The following EBF3 variants were observed in gnomAD, a reference collection of about 807,000 sequenced individuals.
EBF3 encodes the protein transcription factor COE3.
A neutral mutation model predicts 77.1 loss-of-function variants in EBF3; 18 were observed. The ratio of observed to expected loss-of-function variants is 0.23; its 90% CI spans 0.16 to 0.35. EBF3 has a LOEUF of 0.35. Ranked by LOEUF, EBF3 falls within the 10% of genes least tolerant of loss-of-function variation. EBF3 has a pLI of 1.00. For synonymous variants in EBF3, 350 were observed against 343.5 expected (o/e 1.02, Z -0.21); for missense variants, 558 against 860.0 (o/e 0.65, Z 4.39).
At chr10:129,962,593 TAAAA>T (rs931900354) in intron 3 of EBF3, among the ~76,000 whole-genome samples, 1 of 145,258 alleles carries the variant, frequency 6.9e-6, no homozygotes, top group Non-Finnish European at 1.5e-5. Flanking sequence ...CTCGAGGATT[TAAAA>T]AAAAAAAACT....
rs755742460 is a variant in EBF3 at position 129,963,337 on chromosome 10, G to A, written c.291+30C>T. 7 of 1,563,160 alleles carry A rather than the reference G, an allele frequency of 4.5e-6. No homozygotes were observed. Among genetic ancestry groups the A allele is most frequent in the South Asian group, 3.5e-5 (3 of 85,894 alleles). ...CGCCTGCCTCCCGCTTCTAGAAAGA[G>A]AGAGGGTGTGATCGTGTGTTTGCAC... On this transcript the variant is annotated intron_variant, in intron 2 of 16. Transcript: ENST00000440978. This position sits in a 1 kb window ranked among gnomAD's most constrained non-coding sequence, Gnocchi z 7.1.
At position 129,869,712 on chromosome 10, in the gene EBF3, G is replaced by A. The variant is rs1397540276; in HGVS notation, c.782-1800C>T. On this transcript the variant is annotated intron_variant, in intron 8 of 16. Coordinates refer to ENST00000440978, the MANE Select transcript of EBF3 (RefSeq NM_001375380.1). ...GCCGACATGCCACCTTCCTTTGTTT[G>A]CTTTAATGTTGGACTAGCGGGGGTT... is the stretch of plus-strand genomic sequence containing the variant. Among the ~76,000 whole-genome samples, 4 of 152,178 alleles carry A rather than the reference G, an allele frequency of 2.6e-5. No individual in the cohort carries two copies. The East Asian group carries it at 7.7e-4, about 29-fold the overall frequency.
intron 6 of EBF3, among the ~76,000 whole-genome samples, chr10:129,902,139 T>C (rs543649408): frequency 6.6e-6 from 1 of 152,124 alleles, no homozygotes; most frequent in African/African-American, 2.4e-5. Context: ...GTTTACTTCA[T>C]CTAGCGCCAC....
In EBF3 at chr10:129,963,891, C is replaced by A; in HGVS notation, c.-123G>T. On this transcript the variant is annotated 5_prime_UTR_variant, in exon 1 of 17. Coordinates refer to ENST00000440978, the MANE Select transcript of EBF3 (RefSeq NM_001375380.1). This position sits in a 1 kb window ranked among gnomAD's most constrained non-coding sequence, Gnocchi z 7.1. ...GCCCTGCTCGGCGCCTGCGGTCCGGCCCCGCCGCCGGCTTCAGCCCGTCCC... is the reference window on the plus strand; with the variant it reads ...GCCCTGCTCGGCGCCTGCGGTCCGGACCCGCCGCCGGCTTCAGCCCGTCCC... The A allele has an allele frequency of 5.1e-6, 6 of 1,171,098 alleles. No homozygotes were observed. Among genetic ancestry groups the A allele is most frequent in the Non-Finnish European group, 6.3e-6 (6 of 949,402 alleles). 72.5% of individuals were successfully genotyped at this position (1,171,098 alleles called of 1,614,324 possible).
intron 11 of EBF3, among the ~76,000 whole-genome samples, chr10:129,847,200 A>G (rs1850532104): frequency 6.6e-6 from 1 of 152,026 alleles, no homozygotes; most frequent in Non-Finnish European, 1.5e-5. Flanking sequence ...AGGGCCACCC[A>G]GCCTCAAACC....
In EBF3 at chr10:129,964,004, G is replaced by A. The variant is rs1418929958; in HGVS notation, c.-236C>T. On this transcript the variant is annotated 5_prime_UTR_variant, in exon 1 of 17. Transcript: ENST00000440978. This position sits in a 1 kb window ranked among gnomAD's most constrained non-coding sequence, Gnocchi z 4.5. ...CCACCGGCGGCGGCGGCGCTTCGAA[G>A]GAGCAGGACGCGGTGGCCGCGGCGG... The A allele has an allele frequency of 2.0e-6, 2 of 985,038 alleles. No individual in the cohort carries two copies. The highest frequency in any genetic ancestry group is 4.7e-5 in the South Asian group (1 of 21,298). The allele number at this position is 985,038 out of a possible 1,614,324, so 61.0% of individuals were successfully genotyped here.
At chr10:129,907,938 C>T (rs2134276386) in intron 6 of EBF3, among the ~76,000 whole-genome samples, 1 of 152,292 alleles carries the variant, frequency 6.6e-6, no homozygotes, top group East Asian at 1.9e-4. Flanking sequence ...GGAATAATAG[C>T]AGCACTGAAC....
chr10:129,893,933 C>T (rs1318491922), intron 6 of EBF3, among the ~76,000 whole-genome samples: 4 of 152,224 alleles, frequency 2.6e-5, no homozygotes, highest in Non-Finnish European at 5.9e-5. Flanking sequence ...GGACTCTCCA[C>T]AGCCACCCTC....
intron 6 of EBF3, among the ~76,000 whole-genome samples, chr10:129,905,968 C>A: frequency 6.6e-6 from 1 of 152,112 alleles, no homozygotes; most frequent in Non-Finnish European, 1.5e-5. Flanking sequence ...ATAATTTGGC[C>A]TGAATGATCC....
At chr10:129,948,362 G>A (rs1451050080) in intron 6 of EBF3, among the ~76,000 whole-genome samples, 1 of 150,252 alleles carries the variant, frequency 6.7e-6, no homozygotes, top group African/African-American at 2.5e-5. Flanking sequence ...CAAAACTAGA[G>A]ACACAGTAAA....
intron 10 of EBF3, among the ~76,000 whole-genome samples, chr10:129,866,563 T>C (rs1852025524): frequency 6.6e-6 from 1 of 151,914 alleles, no homozygotes; most frequent in African/African-American, 2.4e-5. Flanking sequence ...CTGACAGGAG[T>C]CTGTCCCGCA....
chr10:129,961,698 A>G (rs1859534716), intron 4 of EBF3, among the ~76,000 whole-genome samples: 1 of 152,146 alleles, frequency 6.6e-6, no homozygotes. Context: ...AACACATTTA[A>G]CTTTTAAATC....
intron 6 of EBF3, among the ~76,000 whole-genome samples, chr10:129,898,968 G>A (rs1213323682): frequency 2.0e-5 from 3 of 152,180 alleles, no homozygotes; most frequent in Non-Finnish European, 4.4e-5. Context: ...TTTGGTGTCT[G>A]ATCTGTAAAA....
At chr10:129,920,876 G>C (rs1018932931) in intron 6 of EBF3, among the ~76,000 whole-genome samples, 1 of 152,178 alleles carries the variant, frequency 6.6e-6, no homozygotes, top group Non-Finnish European at 1.5e-5. Flanking sequence ...TCTGGGCCTA[G>C]AGTCAGCAGC....
Position 129,837,701 on chromosome 10 carries a change from G to A in EBF3, c.*242C>T, listed in dbSNP as rs1849693887. On this transcript the variant is annotated 3_prime_UTR_variant, in exon 17 of 17. Coordinates refer to ENST00000440978, the MANE Select transcript of EBF3 (RefSeq NM_001375380.1). ...TCAGGACTGAGAAATGTGAAAATAT[G>A]AGAAAAGTTCAGTCAATAAAATGGA... is the stretch of plus-strand genomic sequence containing the variant. 2 of 524,466 alleles carry A rather than the reference G, an allele frequency of 3.8e-6. No homozygotes were observed. The highest frequency in any genetic ancestry group is 3.9e-5 in the African/African-American group (2 of 51,426). The allele number at this position is 524,466 out of a possible 1,614,324, so 32.5% of individuals were successfully genotyped here.
chr10:129,953,543 T>C (rs960567306), intron 6 of EBF3, among the ~76,000 whole-genome samples: 42 of 152,302 alleles, frequency 2.8e-4, no homozygotes, highest in African/African-American at 8.7e-4. Flanking sequence ...GCCAGATTGA[T>C]TGGGGAGGGG....
chr10:129,918,290 G>T (rs1856028905), intron 6 of EBF3, among the ~76,000 whole-genome samples: 1 of 152,154 alleles, frequency 6.6e-6, no homozygotes, highest in South Asian at 2.1e-4. Context: ...TGGGTCCAGG[G>T]GCCAAGACCC....
rs945645148 is a variant in EBF3 at position 129,840,676 on chromosome 10, G to A, written c.1561+168C>T. ...TTTTGGTTTCCAATGAGATCACATC[G>A]GGCCCGTTTTGGGTCAATTTACGGT... On this transcript the variant is annotated intron_variant, in intron 14 of 16. Coordinates refer to ENST00000440978, the MANE Select transcript of EBF3 (RefSeq NM_001375380.1). Among the ~76,000 whole-genome samples, 8 of 152,046 alleles carry A rather than the reference G, an allele frequency of 5.3e-5. No homozygotes were observed. In the South Asian group the frequency reaches 1.2e-3, roughly 24 times the overall value.
chr10:129,889,294 C>T (rs1420425164), intron 6 of EBF3, among the ~76,000 whole-genome samples: 1 of 152,176 alleles, frequency 6.6e-6, no homozygotes, highest in Non-Finnish European at 1.5e-5. Flanking sequence ...GGCCAGAGCT[C>T]GTGGCACAGG....
Sources: gnomAD v4.1 joint callset for allele counts (sites outside exome capture counted in the v4.1 genomes callset) on GRCh38, gnomAD v4.1.1 for gene constraint, Gnocchi (gnomAD v3.1) non-coding constraint, MANE v1.5 for transcripts, NCBI Gene and HGNC (gene_info 2026-07-23, HGNC 2026-07-21) for gene names.